Variants in SLC19A2 observed in about 807,000 individuals in gnomAD.
The protein encoded by SLC19A2 is solute carrier family 19 member 2, also known as thiamine transporter 1.
Under a neutral mutation model 44.7 loss-of-function variants are expected in SLC19A2, and 27 were observed. The observed-to-expected ratio is 0.60, with a 90% CI of 0.45 to 0.83. SLC19A2 has a LOEUF of 0.83. Among genes scored for constraint, SLC19A2 ranks in the 40% least tolerant of loss-of-function variants. The pLI, the probability that SLC19A2 is intolerant of heterozygous loss-of-function variation, is 0.00. For missense variants in SLC19A2, 566 were observed against 613.7 expected (o/e 0.92, Z 0.82); for synonymous variants, 239 against 243.6 (o/e 0.98, Z 0.18).
chr1:169,477,307 G>A lies in SLC19A2; in HGVS notation c.655C>T (p.His219Tyr), dbSNP rs774657740. 46 of 1,614,128 alleles carry A rather than the reference G, an allele frequency of 2.8e-5. No homozygotes were observed. In the South Asian group the frequency reaches 4.7e-4, roughly 17 times the overall value. Residue 219 changes from histidine to tyrosine, a missense_variant, in exon 2 of 6, where the codon CAC becomes TAC. Physicochemically the swap from His to Tyr is moderately conservative, Grantham distance 83. Transcript: ENST00000236137. ...PMPQKSLFFH[H>Y]IPSTCQRVNG... ...ACTCTCTGGCAGGTAGAAGGAATGT[G>A]GTGAAAGAAGAGGCTCTTCTGTGGC...
At position 169,477,378 on chromosome 1, in the gene SLC19A2, A is replaced by G; in HGVS notation, c.584T>C (p.Leu195Pro). 6.2e-7 allele frequency: 1 copy of G among 1,614,204 alleles called. No homozygotes were observed. Among genetic ancestry groups the G allele is most frequent in the Non-Finnish European group, 8.5e-7 (1 of 1,180,042 alleles). ...AGCAAAAGCCACTGAAACACAGGTA[A>G]GAGAGATGACATTCAGGCTGAACAG... is the stretch of plus-strand genomic sequence containing the variant. ...WSLFSLNVIS[L>P]TCVSVAFAVA... The change falls in exon 2 of 6, where the codon CTT becomes CCT. Residue 195 changes from leucine to proline, a missense_variant. Coordinates refer to ENST00000236137, the MANE Select transcript of SLC19A2 (RefSeq NM_006996.3).
rs35686518 is a variant in SLC19A2 at position 169,481,026 on chromosome 1, G to A, written c.205-3269C>T. On this transcript the variant is annotated intron_variant, in intron 1 of 5. Transcript: ENST00000236137. ...AAAGAAAGGCAAATAGGGGAGAGGG[G>A]GAAGACCAGATAGTTTCTCTTTAAC... is the stretch of plus-strand genomic sequence containing the variant. 0.056 allele frequency among the ~76,000 whole-genome samples: 8,591 copies of A among 152,158 alleles called. 1,414 individuals are homozygous for A. In the East Asian group the frequency reaches 0.67, roughly 12 times the overall value.
At chr1:169,472,720 T>A (rs2101777247) in intron 2 of SLC19A2, among the ~76,000 whole-genome samples, 1 of 152,332 alleles carries the variant, frequency 6.6e-6, no homozygotes, top group South Asian at 2.1e-4. Flanking sequence ...AAAGAAAAGA[T>A]GGCAGGTCCT....
chr1:169,485,847 A>G lies in SLC19A2; in HGVS notation c.-81T>C, dbSNP rs1658554311. On this transcript the variant is annotated 5_prime_UTR_variant, in exon 1 of 6. Coordinates refer to ENST00000236137, the MANE Select transcript of SLC19A2 (RefSeq NM_006996.3). ...ACTGGAGTGAGGGTCAGGCACTTGT[A>G]ACCGCGAGTGACGCCTTCTCCCTGT... 4 of 1,418,660 alleles carry G rather than the reference A, an allele frequency of 2.8e-6. No homozygotes were observed. The highest frequency in any genetic ancestry group is 2.5e-5 in the East Asian group (1 of 39,970). The allele number at this position is 1,418,660 out of a possible 1,614,324, so 87.9% of individuals were successfully genotyped here. A position where few individuals can be genotyped will look rare whatever the true frequency, so the allele number is the denominator to read the frequency against.
At chr1:169,480,010 G>A (rs1437975016) in intron 1 of SLC19A2, among the ~76,000 whole-genome samples, 1 of 152,162 alleles carries the variant, frequency 6.6e-6, no homozygotes, top group Non-Finnish European at 1.5e-5. Flanking sequence ...TCTGTTTAAT[G>A]GCCTCACCTT....
At position 169,470,170 on chromosome 1, in the gene SLC19A2, C is replaced by A. The variant is rs61734338; in HGVS notation, c.824G>T (p.Arg275Leu). Reference sequence around the variant, plus strand: ...CCATAGTACTTTCAATACAAGGAGACGGTCTGGCTTGGGTTCCTACATAGC... The same window carrying A: ...CCATAGTACTTTCAATACAAGGAGAAGGTCTGGCTTGGGTTCCTACATAGC... The part of the protein sequence containing the change: ...PVEEPEPKPD[R>L]LLVLKVLWND... The change falls in exon 3 of 6, where the codon CGT becomes CTT. Residue 275 changes from arginine (R) to leucine (L), a missense_variant. Coordinates refer to ENST00000236137, the MANE Select transcript of SLC19A2 (RefSeq NM_006996.3). 283 of 1,613,916 alleles carry A rather than the reference C, an allele frequency of 1.8e-4. 2 individuals carry two copies. In the African/African-American group the frequency reaches 3.3e-3, roughly 19 times the overall value.
In SLC19A2 at chr1:169,477,062, A is replaced by G. The variant is rs537161035; in HGVS notation, c.807+93T>C. On this transcript the variant is annotated intron_variant, in intron 2 of 5. Coordinates refer to ENST00000236137, the MANE Select transcript of SLC19A2 (RefSeq NM_006996.3). ...CAGGATAAAACATGAATCCAAATAA[A>G]TACAAGATCTACCAAGAGGGAGTTT... 305 of 1,378,220 alleles carry G rather than the reference A, an allele frequency of 2.2e-4. 2 individuals are homozygous for G. The African/African-American group carries it at 3.5e-3, about 16-fold the overall frequency. The allele number at this position is 1,378,220 out of a possible 1,614,324, so 85.4% of individuals were successfully genotyped here.
In SLC19A2 at chr1:169,477,252, A is replaced by T; in HGVS notation, c.710T>A (p.Ile237Asn). The change falls in exon 2 of 6, where the codon ATT becomes AAT. Residue 237 changes from isoleucine to asparagine, a missense_variant. Physicochemically the swap from Ile to Asn is moderately radical, Grantham distance 149. Transcript: ENST00000236137. ...GTTAGAAGCTGGGGTGTCAGTAACAATGCCACCATTTTGTACCTTGATGCC... is the reference window on the plus strand; with the variant it reads ...GTTAGAAGCTGGGGTGTCAGTAACATTGCCACCATTTTGTACCTTGATGCC... ...VNGIKVQNGG[I>N]VTDTPASNHL... 6.2e-7 allele frequency: 1 copy of T among 1,614,196 alleles called. No homozygotes were observed. Among genetic ancestry groups the T allele is most frequent in the Non-Finnish European group, 8.5e-7 (1 of 1,180,012 alleles).
intron 2 of SLC19A2, 41 bp from the exon 3 acceptor site, chr1:169,470,227 G>A: frequency 6.4e-7 from 1 of 1,564,764 alleles, no homozygotes; most frequent in Non-Finnish European, 8.8e-7. Context: ...TCTGATGAAG[G>A]CAATTATATA....
chr1:169,476,117 T>C (rs977033943), intron 2 of SLC19A2, among the ~76,000 whole-genome samples: 3 of 145,712 alleles, frequency 2.1e-5, no homozygotes, highest in African/African-American at 7.6e-5. Flanking sequence ...TATAACCTAA[T>C]AGAAACAAAA....
chr1:169,479,110 A>C (rs982224288), intron 1 of SLC19A2, among the ~76,000 whole-genome samples: 31 of 152,310 alleles, frequency 2.0e-4, no homozygotes, highest in African/African-American at 7.5e-4. Context: ...AAATGCTTTG[A>C]AAACGGAATC....
chr1:169,485,888 T>A lies in SLC19A2; in HGVS notation c.-122A>T. On this transcript the variant is annotated 5_prime_UTR_variant, in exon 1 of 6. Transcript: ENST00000236137. Reference sequence around the variant, plus strand: ...TTCTCCCTGTAAGGCCAGGACGTTCTGGACTCGCCGCCGCCTCCGGCTACA... The same window carrying A: ...TTCTCCCTGTAAGGCCAGGACGTTCAGGACTCGCCGCCGCCTCCGGCTACA... The A allele has an allele frequency of 8.6e-7, 1 of 1,166,280 alleles. No individual in the cohort carries two copies. Among genetic ancestry groups the A allele is most frequent in the Non-Finnish European group, 1.2e-6 (1 of 852,478 alleles). 72.2% of individuals were successfully genotyped at this position (1,166,280 alleles called of 1,614,324 possible).
At chr1:169,480,589 C>T (rs918364300) in intron 1 of SLC19A2, among the ~76,000 whole-genome samples, 5 of 151,998 alleles carry the variant, frequency 3.3e-5, no homozygotes, top group Non-Finnish European at 7.4e-5. Flanking sequence ...TGTGAACCAC[C>T]GCACCCAGCC....
Position 169,465,628 on chromosome 1 carries a change from C to A in SLC19A2, c.*221G>T. On this transcript the variant is annotated 3_prime_UTR_variant, in exon 6 of 6. Transcript: ENST00000236137. ...CTTTTGAATCAGAAAAAAAGTCATC[C>A]TTAAATTAGCTCTCATAAATAATCC... 1.8e-6 allele frequency: 1 copy of A among 547,750 alleles called. No individual in the cohort carries two copies. 33.9% of individuals were successfully genotyped at this position (547,750 alleles called of 1,614,324 possible). A position where few individuals can be genotyped will look rare whatever the true frequency, so the allele number is the denominator to read the frequency against.
intron 2 of SLC19A2, among the ~76,000 whole-genome samples, chr1:169,473,639 T>C (rs1266283409): frequency 6.6e-6 from 1 of 151,840 alleles, no homozygotes; most frequent in African/African-American, 2.4e-5. Context: ...TGAGCAAATA[T>C]CTACATTATT....
At chr1:169,466,041 A>G in intron 5 of SLC19A2, 64 bp from the exon 6 acceptor site, 3 of 1,593,788 alleles carry the variant, frequency 1.9e-6, no homozygotes, top group African/African-American at 2.7e-5. Flanking sequence ...ATAATAAAGT[A>G]TATTCAGAAT....
rs200951369 is a variant in SLC19A2 at position 169,485,538 on chromosome 1, C to A, written c.204+25G>T. On this transcript the variant is annotated intron_variant, in intron 1 of 5. Coordinates refer to ENST00000236137, the MANE Select transcript of SLC19A2 (RefSeq NM_006996.3). ...CCGCAGGCCGGTCGCCCGCCCTTCC[C>A]GCGCCCCGCGTCCGCCGCGCGTACC... is the stretch of plus-strand genomic sequence containing the variant. 281 of 1,567,058 alleles carry A rather than the reference C, an allele frequency of 1.8e-4. 1 individual carries two copies. In the African/African-American group the frequency reaches 3.4e-3, roughly 19 times the overall value.
At chr1:169,476,473 C>T (rs913336155) in intron 2 of SLC19A2, among the ~76,000 whole-genome samples, 5 of 152,168 alleles carry the variant, frequency 3.3e-5, no homozygotes, top group Non-Finnish European at 7.3e-5. Context: ...AATCCCAGCA[C>T]TTTGGGAGGC....
chr1:169,466,028 T>C (rs746689908), intron 5 of SLC19A2, 51 bp from the exon 6 acceptor site: 53 of 1,606,138 alleles, frequency 3.3e-5, no homozygotes. Flanking sequence ...AGAGGATTAC[T>C]CTATAATAAA....
Sources: gnomAD v4.1 joint callset for allele counts (sites outside exome capture counted in the v4.1 genomes callset) on GRCh38, gnomAD v4.1.1 for gene constraint, MANE v1.5 for transcripts, NCBI Gene and HGNC (gene_info 2026-07-23, HGNC 2026-07-21) for gene names.